The following NEO1 variants were observed in gnomAD, a reference collection of about 807,000 sequenced individuals.
NEO1 encodes neogenin.
NEO1 carries 63 observed loss-of-function variants against 159.7 expected under a neutral mutation model. The observed-to-expected ratio is 0.39, with a 90% CI of 0.32 to 0.49. NEO1 has a LOEUF of 0.49. NEO1 is among the 20% of genes least tolerant of loss of function. The pLI is 0.85. For missense variants in NEO1, 1,615 were observed against 1,831.0 expected, an observed-to-expected ratio of 0.88 and a Z score of 2.15; for synonymous variants, 633 against 662.0, an observed-to-expected ratio of 0.96 and a Z score of 0.67.
intron 7 of NEO1, among the ~76,000 whole-genome samples, chr15:73,204,590 A>G (rs1474418170): frequency 6.6e-6 from 1 of 151,026 alleles, no homozygotes; most frequent in Non-Finnish European, 1.5e-5. Flanking sequence ...GGCATGCTTC[A>G]TTTTTTCTTT....
At chr15:73,068,451 A>G (rs2068347951) in intron 1 of NEO1, among the ~76,000 whole-genome samples, 1 of 152,060 alleles carries the variant, frequency 6.6e-6, no homozygotes, top group Non-Finnish European at 1.5e-5. Flanking sequence ...ACCTCAAGTC[A>G]TCCACGTGCC....
At chr15:73,262,874 C>A (rs183361321) in intron 15 of NEO1, among the ~76,000 whole-genome samples, 6 of 152,272 alleles carry the variant, frequency 3.9e-5, no homozygotes, top group African/African-American at 1.4e-4. Flanking sequence ...TACTACTCAG[C>A]AATTAATAGG....
At chr15:73,235,450 T>C (rs913713458) in intron 7 of NEO1, among the ~76,000 whole-genome samples, 8 of 152,240 alleles carry the variant, frequency 5.3e-5, no homozygotes, top group Non-Finnish European at 1.0e-4. Flanking sequence ...TTGGAAGTTA[T>C]GAAGTTACCC....
At chr15:73,171,049 C>T (rs2034928811) in intron 5 of NEO1, among the ~76,000 whole-genome samples, 1 of 151,494 alleles carries the variant, frequency 6.6e-6, no homozygotes, top group African/African-American at 2.4e-5. Context: ...CTACATTTAA[C>T]TGTGAGCTTT....
intron 1 of NEO1, among the ~76,000 whole-genome samples, chr15:73,105,722 T>A (rs2070655230): frequency 6.6e-6 from 1 of 152,172 alleles, no homozygotes; most frequent in South Asian, 2.1e-4. Context: ...GTAGAATGTC[T>A]CACATTTTGG....
At chr15:73,142,860 A>G (rs574830803) in intron 5 of NEO1, among the ~76,000 whole-genome samples, 2 of 152,338 alleles carry the variant, frequency 1.3e-5, no homozygotes, top group Admixed American at 1.3e-4. Flanking sequence ...ACCTCCCCCC[A>G]CAACACTAAA....
At chr15:73,126,337 C>T (rs977911279) in intron 3 of NEO1, 80 bp from the exon 4 acceptor site, 10 of 1,310,610 alleles carry the variant, frequency 7.6e-6, no homozygotes, top group Admixed American at 2.3e-5. Flanking sequence ...CCCAAAGTAT[C>T]GGGATTATGG....
At chr15:73,139,445 T>G (rs1030044204) in intron 5 of NEO1, among the ~76,000 whole-genome samples, 8 of 151,820 alleles carry the variant, frequency 5.3e-5, no homozygotes, top group Non-Finnish European at 1.2e-4. Flanking sequence ...AAGAAAATGA[T>G]AACAAGAGCA....
intron 15 of NEO1, among the ~76,000 whole-genome samples, chr15:73,261,242 T>C (rs12708506): frequency 0.44 from 66,833 of 151,826 alleles, 15,741 homozygotes; most frequent in Admixed American, 0.53. Context: ...ATTTATTTTA[T>C]GAAAAATGAT....
intron 7 of NEO1, among the ~76,000 whole-genome samples, chr15:73,181,629 G>C (rs1369550153): frequency 6.6e-6 from 1 of 151,882 alleles, no homozygotes; most frequent in Non-Finnish European, 1.5e-5. Flanking sequence ...GAGTGAGGTG[G>C]GGGGGTGCCA....
chr15:73,075,814 T>C (rs571106255), intron 1 of NEO1, among the ~76,000 whole-genome samples: 2 of 152,334 alleles, frequency 1.3e-5, no homozygotes, highest in Admixed American at 1.3e-4. Context: ...ATCATAGAAT[T>C]GTTTTAACTG....
chr15:73,221,120 C>T (rs2150754617), intron 7 of NEO1, among the ~76,000 whole-genome samples: 1 of 152,284 alleles, frequency 6.6e-6, no homozygotes, highest in East Asian at 1.9e-4. Context: ...GATGTCCTTT[C>T]TGTTTGTTAG....
At chr15:73,242,650 A>G (rs2039549930) in intron 8 of NEO1, among the ~76,000 whole-genome samples, 1 of 152,230 alleles carries the variant, frequency 6.6e-6, no homozygotes, top group South Asian at 2.1e-4. Context: ...AGCCTGGGTG[A>G]CAGAGTGAGA....
intron 9 of NEO1, among the ~76,000 whole-genome samples, chr15:73,244,740 C>T (rs1263208760): frequency 6.6e-6 from 1 of 151,942 alleles, no homozygotes; most frequent in Non-Finnish European, 1.5e-5. Context: ...CACCTGAGGT[C>T]AGGTTTTTTA....
chr15:73,253,373 A>ATTTTTTTTTTTTTTTTTTTTTTTTTTT, intron 11 of NEO1, 27 bp from the exon 12 acceptor site: 2 of 1,152,178 alleles, frequency 1.7e-6, no homozygotes, highest in Non-Finnish European at 1.2e-6. Flanking sequence ...TAAAAAAAAA[A>ATTTTTTTTTTTTTTTTTTTTTTTTTTT]TTTTTTTTTT....
intron 7 of NEO1, among the ~76,000 whole-genome samples, chr15:73,211,705 C>T (rs1297707264): frequency 6.6e-6 from 1 of 152,186 alleles, no homozygotes; most frequent in African/African-American, 2.4e-5. Flanking sequence ...CAGAGCAAGA[C>T]TCCATCTCAA....
chr15:73,283,105 A>G lies in NEO1; in HGVS notation c.3404A>G (p.Gln1135Arg), dbSNP rs1361883610. 1 of 1,613,818 alleles carries G rather than the reference A, an allele frequency of 6.2e-7. No individual in the cohort carries two copies. The highest frequency in any genetic ancestry group is 8.5e-7 in the Non-Finnish European group (1 of 1,179,934). ...TGTACCCGTCGTACCACCTCTCACC[A>G]GAAAAAGTAAGAAGCCCCAGATGCA... ...VFCTRRTTSHQKKKRAACKSV... is the reference protein window; with the variant it reads ...VFCTRRTTSHRKKKRAACKSV... Residue 1135 changes from glutamine (Q) to arginine (R), a missense_variant, in exon 23 of 29, where the codon CAG becomes CGG. Physicochemically the swap from Gln to Arg is conservative, Grantham distance 43 (BLOSUM62 1). This residue lies in a region of NEO1 where 471 missense variants were observed against 498.9 expected (regional missense o/e 0.94). Coordinates refer to ENST00000261908, the MANE Select transcript of NEO1 (RefSeq NM_002499.4).
rs535184820 is a variant in NEO1 at position 73,126,683 on chromosome 15, A to G, written c.878+113A>G. 4.0e-5 allele frequency: 35 copies of G among 884,674 alleles called. No homozygotes were observed. In the East Asian group the frequency reaches 5.7e-4, roughly 14 times the overall value. The allele number at this position is 884,674 out of a possible 1,614,324, so 54.8% of individuals were successfully genotyped here. On this transcript the variant is annotated intron_variant, in intron 4 of 28. Transcript: ENST00000261908. Reference sequence around the variant, plus strand: ...ATTATCAACTTTATTTAAACACATCATAATGCTCATATGTCATCCTTCAAA... The same window carrying G: ...ATTATCAACTTTATTTAAACACATCGTAATGCTCATATGTCATCCTTCAAA...
chr15:73,239,851 T>A (rs556612868), intron 8 of NEO1, among the ~76,000 whole-genome samples: 1 of 152,346 alleles, frequency 6.6e-6, no homozygotes, highest in African/African-American at 2.4e-5. Flanking sequence ...CAGTTTTTTT[T>A]AAATGACCTG....
Sources: gnomAD v4.1 joint callset for allele counts (sites outside exome capture counted in the v4.1 genomes callset) on GRCh38, gnomAD v4.1.1 for gene constraint, gnomAD v4.1.1 regional missense constraint, MANE v1.5 for transcripts, NCBI Gene and HGNC (gene_info 2026-07-23, HGNC 2026-07-21) for gene names.